SSBP2: variants seen among roughly 807,000 people sequenced by gnomAD.
SSBP2 encodes single-stranded DNA-binding protein 2.
In SSBP2, 17 loss-of-function variants were observed where a neutral mutation model predicts 61.8. The observed-to-expected ratio is 0.28, with a 90% CI of 0.19 to 0.41. The LOEUF (loss-of-function observed/expected upper bound fraction) is 0.41, where lower values mean the gene tolerates loss of function less well. Ranked by LOEUF, SSBP2 falls within the 10% of genes least tolerant of loss-of-function variation. The probability of loss-of-function intolerance (pLI) is 1.00; values close to 1 mark genes in which losing one functional copy is unlikely to be tolerated. For missense variants in SSBP2, 310 were observed against 458.7 expected (o/e 0.68, Z 2.96); for synonymous variants, 139 against 141.3 (o/e 0.98, Z 0.12).
At chr5:81,546,393 T>C (rs966988136) in intron 4 of SSBP2, among the ~76,000 whole-genome samples, 6 of 152,178 alleles carry the variant, frequency 3.9e-5, no homozygotes, top group African/African-American at 1.4e-4. Context: ...TTTACTGATA[T>C]AGGAGTCAAT....
In SSBP2 at chr5:81,508,883, A is replaced by C. The variant is rs183639062; in HGVS notation, c.372+4745T>G. The stretch of plus-strand genomic sequence containing the variant: ...GGACTTCATTTGCTAATTATAAATT[A>C]TTCTTCTTTACTTTTACTTATTCAC... On this transcript the variant is annotated intron_variant, in intron 5 of 16. Coordinates refer to ENST00000320672, the MANE Select transcript of SSBP2 (RefSeq NM_012446.5). 5.3e-5 allele frequency among the ~76,000 whole-genome samples: 8 copies of C among 152,330 alleles called. No homozygotes were observed. In the East Asian group the frequency reaches 1.5e-3, roughly 29 times the overall value.
chr5:81,445,264 G>C (rs1763334772), intron 12 of SSBP2, among the ~76,000 whole-genome samples: 1 of 146,570 alleles, frequency 6.8e-6, no homozygotes, highest in South Asian at 2.2e-4. Flanking sequence ...TTTCTTGTGG[G>C]TGGGGTGCTG....
intron 4 of SSBP2, among the ~76,000 whole-genome samples, chr5:81,550,808 T>C (rs1253537533): frequency 5.3e-5 from 8 of 152,132 alleles, no homozygotes; most frequent in Non-Finnish European, 1.2e-4. Context: ...TTAGAAATCA[T>C]AGAAGAGGCC....
chr5:81,501,057 T>C (rs1767673731), intron 5 of SSBP2, among the ~76,000 whole-genome samples: 2 of 148,352 alleles, frequency 1.3e-5, no homozygotes, highest in African/African-American at 2.5e-5. Context: ...CTAGTAAAAA[T>C]ACAAAAATTA....
chr5:81,572,442 T>C (rs1275485073), intron 4 of SSBP2, among the ~76,000 whole-genome samples: 3 of 152,184 alleles, frequency 2.0e-5, no homozygotes, highest in East Asian at 3.8e-4. Flanking sequence ...TCTGACTCCA[T>C]GGATAAATCC....
chr5:81,449,269 G>A (rs1763609468), intron 10 of SSBP2, among the ~76,000 whole-genome samples: 1 of 152,134 alleles, frequency 6.6e-6, no homozygotes, highest in Non-Finnish European at 1.5e-5. Flanking sequence ...TCAGATATGG[G>A]TAACAAACTC....
intron 4 of SSBP2, among the ~76,000 whole-genome samples, chr5:81,611,550 C>T (rs764161549): frequency 1.3e-5 from 2 of 152,044 alleles, no homozygotes; most frequent in Non-Finnish European, 2.9e-5. Flanking sequence ...AAAATGCATG[C>T]TATTTTTGAA....
At chr5:81,467,585 G>A (rs979967970) in intron 8 of SSBP2, among the ~76,000 whole-genome samples, 1 of 151,884 alleles carries the variant, frequency 6.6e-6, no homozygotes, top group Admixed American at 6.6e-5. Context: ...TTCAAAATAC[G>A]TATGCATGAA....
At chr5:81,476,660 C>T (rs1220049474) in intron 6 of SSBP2, among the ~76,000 whole-genome samples, 1 of 152,108 alleles carries the variant, frequency 6.6e-6, no homozygotes, top group African/African-American at 2.4e-5. Context: ...CTGCAGGTTT[C>T]TACACAGTAA....
At chr5:81,523,502 C>T (rs879260729) in intron 4 of SSBP2, among the ~76,000 whole-genome samples, 3 of 151,910 alleles carry the variant, frequency 2.0e-5, no homozygotes, top group Non-Finnish European at 2.9e-5. Flanking sequence ...GAGGCTAAGA[C>T]GTACTGATTC....
intron 15 of SSBP2, among the ~76,000 whole-genome samples, chr5:81,436,141 T>C (rs912721236): frequency 7.4e-6 from 1 of 135,400 alleles, no homozygotes; most frequent in Non-Finnish European, 1.5e-5. Flanking sequence ...TGGGCCGAGA[T>C]TGCACCACTG....
chr5:81,627,366 C>A (rs1747273817), intron 3 of SSBP2, among the ~76,000 whole-genome samples: 1 of 152,112 alleles, frequency 6.6e-6, no homozygotes, highest in East Asian at 1.9e-4. Context: ...CCCGTTGTCA[C>A]CTACACTGTC....
At chr5:81,676,890 G>T (rs1581319587) in intron 1 of SSBP2, among the ~76,000 whole-genome samples, 1 of 151,898 alleles carries the variant, frequency 6.6e-6, no homozygotes, top group African/African-American at 2.4e-5. Flanking sequence ...AAAGGGAAAA[G>T]GAAAGAAAAA....
At chr5:81,497,223 A>G (rs1767356492) in intron 5 of SSBP2, among the ~76,000 whole-genome samples, 1 of 152,204 alleles carries the variant, frequency 6.6e-6, no homozygotes, top group Non-Finnish European at 1.5e-5. Context: ...GGAATAGTAG[A>G]GGATGGGTAG....
At chr5:81,595,535 C>A (rs566131961) in intron 4 of SSBP2, among the ~76,000 whole-genome samples, 35 of 152,198 alleles carry the variant, frequency 2.3e-4, no homozygotes, top group African/African-American at 7.5e-4. Context: ...AGAGACACAA[C>A]CAAAAAAGAG....
At chr5:81,624,966 G>T (rs1746991424) in intron 3 of SSBP2, among the ~76,000 whole-genome samples, 1 of 151,960 alleles carries the variant, frequency 6.6e-6, no homozygotes. Flanking sequence ...GTGACTATTG[G>T]TCCAAAACTA....
intron 16 of SSBP2, among the ~76,000 whole-genome samples, chr5:81,425,897 G>C (rs1258335902): frequency 6.6e-6 from 1 of 152,166 alleles, no homozygotes; most frequent in Non-Finnish European, 1.5e-5. Flanking sequence ...TACATAAAGA[G>C]TACTCAATAG....
At chr5:81,444,027 T>C (rs995033413) in intron 12 of SSBP2, among the ~76,000 whole-genome samples, 2 of 152,234 alleles carry the variant, frequency 1.3e-5, no homozygotes, top group Non-Finnish European at 2.9e-5. Flanking sequence ...TATTTTAGTG[T>C]GTATTACTTA....
chr5:81,675,141 A>G (rs1229928748), intron 1 of SSBP2, among the ~76,000 whole-genome samples: 1 of 152,184 alleles, frequency 6.6e-6, no homozygotes, highest in Non-Finnish European at 1.5e-5. Context: ...GAGCACAAAC[A>G]TATACACATG....
Sources: allele counts gnomAD v4.1 joint callset (sites outside exome capture counted in the v4.1 genomes callset), GRCh38; gene constraint gnomAD v4.1.1; transcripts MANE v1.5; gene names NCBI Gene and HGNC (gene_info 2026-07-23, HGNC 2026-07-21).